The following ARHGAP6 variants were observed in gnomAD, a reference collection of about 807,000 sequenced individuals.
The protein encoded by ARHGAP6 is Rho GTPase activating protein 6.
In ARHGAP6, 16 loss-of-function variants were observed where a neutral mutation model predicts 55.7. That is an observed-to-expected ratio of 0.29 (90% CI 0.19 to 0.44). The LOEUF is 0.44. Among genes scored for constraint, ARHGAP6 ranks in the 20% least tolerant of loss-of-function variants. The pLI is 1.00. For synonymous variants in ARHGAP6, 382 were observed against 360.9 expected (o/e 1.06, Z -0.66); for missense variants, 698 against 808.9 (o/e 0.86, Z 1.66).
chrX:11,488,133 G>T (rs1603229319), intron 1 of ARHGAP6, among the ~76,000 whole-genome samples: 1 of 111,861 alleles, frequency 8.9e-6, no homozygotes, highest in Non-Finnish European at 1.9e-5. Context: ...TATAAAGAGA[G>T]TAAAGAGATA....
At position 11,626,831 on chromosome X, in the gene ARHGAP6, C is replaced by G. The variant is rs577767341; in HGVS notation, c.588+37410G>C. ...AAGGCCACAATCAATGTAAATAAAA[C>G]AAAACAAAAATAAAGGAGTTAAGAT... On this transcript the variant is annotated intron_variant, in intron 1 of 12. Coordinates refer to ENST00000337414, the MANE Select transcript of ARHGAP6 (RefSeq NM_013427.3). 4.2e-3 allele frequency among the ~76,000 whole-genome samples: 460 copies of G among 110,768 alleles called. 1 individual carries two copies. Among genetic ancestry groups the G allele is most frequent in the Middle Eastern group, 0.014 (3 of 216 alleles).
intron 2 of ARHGAP6, among the ~76,000 whole-genome samples, chrX:11,205,096 C>T (rs1253923026): frequency 8.9e-6 from 1 of 111,917 alleles, no homozygotes; most frequent in Non-Finnish European, 1.9e-5. Flanking sequence ...TATTTTTTCT[C>T]TTATTGACAC....
At chrX:11,468,589 G>A (rs747056117) in intron 1 of ARHGAP6, among the ~76,000 whole-genome samples, 1 of 112,395 alleles carries the variant, frequency 8.9e-6, no homozygotes, top group Non-Finnish European at 1.9e-5. Context: ...TATCTGAGAT[G>A]GACATTGTTG....
chrX:11,308,345 A>G (rs1345535194), intron 1 of ARHGAP6, among the ~76,000 whole-genome samples: 1 of 112,129 alleles, frequency 8.9e-6, no homozygotes, highest in Non-Finnish European at 1.9e-5. Context: ...GAAATCATTA[A>G]AGAAAAAACC....
chrX:11,643,038 A>C (rs911251924), intron 1 of ARHGAP6, among the ~76,000 whole-genome samples: 4 of 111,154 alleles, frequency 3.6e-5, no homozygotes, highest in African/African-American at 1.3e-4. Context: ...TGAGGAAGAA[A>C]AGCTGTTTTC....
intron 10 of ARHGAP6, among the ~76,000 whole-genome samples, chrX:11,154,998 T>G (rs1184708870): frequency 1.8e-5 from 2 of 111,804 alleles, no homozygotes; most frequent in Non-Finnish European, 3.8e-5. Context: ...CAGACACAGA[T>G]TTTTTAAAGT....
At chrX:11,372,572 A>G (rs1182456302) in intron 1 of ARHGAP6, among the ~76,000 whole-genome samples, 1 of 109,340 alleles carries the variant, frequency 9.1e-6, no homozygotes, top group Non-Finnish European at 1.9e-5. Flanking sequence ...GGAGATGGAG[A>G]CCATCCTGGC....
intron 9 of ARHGAP6, among the ~76,000 whole-genome samples, chrX:11,166,813 T>C (rs1036406064): frequency 9.1e-6 from 1 of 110,366 alleles, no homozygotes; most frequent in East Asian, 2.8e-4. Flanking sequence ...GAAGATGAGG[T>C]CATGTAGCCA....
intron 1 of ARHGAP6, among the ~76,000 whole-genome samples, chrX:11,425,525 T>C (rs2147782218): frequency 8.9e-6 from 1 of 111,927 alleles, no homozygotes; most frequent in South Asian, 3.8e-4. Context: ...AGAGCCCGGG[T>C]GACTTATTCC....
chrX:11,389,192 C>G (rs2049371555), intron 1 of ARHGAP6, among the ~76,000 whole-genome samples: 1 of 111,651 alleles, frequency 9.0e-6, no homozygotes, highest in South Asian at 3.8e-4. Flanking sequence ...TTATCCAGTC[C>G]AAAATATCAA....
intron 1 of ARHGAP6, among the ~76,000 whole-genome samples, chrX:11,488,763 T>C (rs763729156): frequency 9.1e-4 from 101 of 111,420 alleles, no homozygotes; most frequent in African/African-American, 3.2e-3. Context: ...CTTATAAGAA[T>C]CTAACTAGTG....
chrX:11,151,354 C>T (rs2045774041), intron 10 of ARHGAP6, among the ~76,000 whole-genome samples: 2 of 109,247 alleles, frequency 1.8e-5, no homozygotes, highest in South Asian at 8.1e-4. Flanking sequence ...AGCCACAAAA[C>T]CCCGGGCTCA....
At chrX:11,316,472 G>A (rs915854714) in intron 1 of ARHGAP6, among the ~76,000 whole-genome samples, 1 of 112,297 alleles carries the variant, frequency 8.9e-6, no homozygotes, top group African/African-American at 3.2e-5. Flanking sequence ...TGTACAAGAT[G>A]ATGTCCTGAC....
At chrX:11,314,371 A>T (rs764606693) in intron 1 of ARHGAP6, among the ~76,000 whole-genome samples, 2 of 112,086 alleles carry the variant, frequency 1.8e-5, no homozygotes, top group Non-Finnish European at 3.8e-5. Flanking sequence ...AGAACTTCTG[A>T]TGTCAAGGAA....
At chrX:11,395,500 T>C (rs1208799749) in intron 1 of ARHGAP6, among the ~76,000 whole-genome samples, 1 of 112,032 alleles carries the variant, frequency 8.9e-6, no homozygotes, top group Non-Finnish European at 1.9e-5. Flanking sequence ...TAAATACTCA[T>C]TGTGGCGGAT....
chrX:11,450,476 G>A (rs185877211), intron 1 of ARHGAP6, among the ~76,000 whole-genome samples: 1 of 111,948 alleles, frequency 8.9e-6, no homozygotes, highest in Non-Finnish European at 1.9e-5. Flanking sequence ...GAGCCTGCTG[G>A]GCTTCTGAGT....
At chrX:11,303,797 A>T (rs1482506859) in intron 1 of ARHGAP6, among the ~76,000 whole-genome samples, 2 of 111,413 alleles carry the variant, frequency 1.8e-5, no homozygotes, top group Non-Finnish European at 3.8e-5. Flanking sequence ...TTTGATTCAC[A>T]ATCATGACCA....
At chrX:11,474,288 G>A (rs570732341) in intron 1 of ARHGAP6, among the ~76,000 whole-genome samples, 2 of 111,951 alleles carry the variant, frequency 1.8e-5, no homozygotes, top group African/African-American at 3.2e-5. Flanking sequence ...TGTCTACAGC[G>A]TTATCTATTG....
At chrX:11,562,616 G>A (rs2051396883) in intron 1 of ARHGAP6, among the ~76,000 whole-genome samples, 1 of 109,242 alleles carries the variant, frequency 9.2e-6, no homozygotes, top group South Asian at 4.0e-4. Context: ...CCAAATTCAG[G>A]AATTATTTAA....
Sources: gnomAD v4.1 joint callset for allele counts (sites outside exome capture counted in the v4.1 genomes callset) on GRCh38, gnomAD v4.1.1 for gene constraint, MANE v1.5 for transcripts, NCBI Gene and HGNC (gene_info 2026-07-23, HGNC 2026-07-21) for gene names.